TAS2R1: variants seen among roughly 807,000 people sequenced by gnomAD.
TAS2R1 encodes the protein taste 2 receptor member 1, also known as taste receptor type 2 member 1.
For missense variants in TAS2R1, 370 were observed against 353.4 expected, an observed-to-expected ratio of 1.05 and a Z score of -0.38; for synonymous variants, 141 against 134.2, an observed-to-expected ratio of 1.05 and a Z score of -0.35.
chr5:9,888,254 C>A, the TAS2R1 span, among the ~76,000 whole-genome samples: 1 of 152,116 alleles, frequency 6.6e-6, no homozygotes, highest in African/African-American at 2.4e-5. Context: ...ATGGCCGCTG[C>A]CTGACTCTGA....
the TAS2R1 span, among the ~76,000 whole-genome samples, chr5:9,830,214 C>T: frequency 0.013 from 1,049 of 79,284 alleles, 12 homozygotes; most frequent in African/African-American, 0.043. Flanking sequence ...GATGGATAGA[C>T]AGATAGACAG....
the TAS2R1 span, among the ~76,000 whole-genome samples, chr5:9,729,521 T>C: frequency 6.6e-6 from 1 of 152,166 alleles, no homozygotes; most frequent in African/African-American, 2.4e-5. Context: ...CTGCCCTCCC[T>C]GCCCAGAATT....
At chr5:9,729,062 G>T in the TAS2R1 span, among the ~76,000 whole-genome samples, 1 of 152,142 alleles carries the variant, frequency 6.6e-6, no homozygotes, top group South Asian at 2.1e-4. Flanking sequence ...TTCCACCTCT[G>T]TCTTGCCCTC....
At chr5:9,751,401 T>C in the TAS2R1 span, among the ~76,000 whole-genome samples, 2 of 151,838 alleles carry the variant, frequency 1.3e-5, no homozygotes, top group Non-Finnish European at 2.9e-5. Context: ...AAAGACCATA[T>C]AATATATTCT....
At chr5:9,809,288 A>G in the TAS2R1 span, among the ~76,000 whole-genome samples, 1 of 152,320 alleles carries the variant, frequency 6.6e-6, no homozygotes, top group East Asian at 1.9e-4. Context: ...GAAAGACAGG[A>G]ATTTCAGAGG....
chr5:9,708,239 T>C (rs1741661965), intron 1 of TAS2R1, among the ~76,000 whole-genome samples: 2 of 152,218 alleles, frequency 1.3e-5, no homozygotes, highest in Non-Finnish European at 2.9e-5. Flanking sequence ...GAGCGTATCC[T>C]AGCGATGGCA....
chr5:9,889,237 G>A, the TAS2R1 span, among the ~76,000 whole-genome samples: 3 of 152,138 alleles, frequency 2.0e-5, no homozygotes, highest in Non-Finnish European at 4.4e-5. Flanking sequence ...GCCCCCATCT[G>A]CACCATGCTG....
chr5:9,634,718 G>C (rs1739934638), upstream of TAS2R1, among the ~76,000 whole-genome samples: 1 of 151,978 alleles, frequency 6.6e-6, no homozygotes, highest in Non-Finnish European at 1.5e-5. Context: ...TTGTAAAAGG[G>C]ACTGAGTTCT....
chr5:9,682,469 C>G (rs1741011291), intron 1 of TAS2R1, among the ~76,000 whole-genome samples: 1 of 152,160 alleles, frequency 6.6e-6, no homozygotes, highest in African/African-American at 2.4e-5. Context: ...GCCTTTCACC[C>G]TGCTCAGCTT....
the TAS2R1 span, chr5:9,760,773 A>G: frequency 6.6e-6 from 1 of 152,230 alleles, no homozygotes; most frequent in African/African-American, 2.4e-5. Flanking sequence ...TCCTCTTAAG[A>G]TCAGGAAAAA....
intron 2 of TAS2R1, among the ~76,000 whole-genome samples, chr5:9,657,492 G>A (rs1403855512): frequency 1.3e-5 from 2 of 152,304 alleles, no homozygotes; most frequent in Admixed American, 1.3e-4. Flanking sequence ...GAGACAAGAT[G>A]ATGTTTAGGT....
the TAS2R1 span, among the ~76,000 whole-genome samples, chr5:9,836,009 T>C: frequency 0.066 from 10,006 of 152,220 alleles, 444 homozygotes; most frequent in Middle Eastern, 0.14. Flanking sequence ...TTCCCACCTG[T>C]TGTGGGAGGG....
At chr5:9,801,852 C>A in the TAS2R1 span, among the ~76,000 whole-genome samples, 1 of 152,140 alleles carries the variant, frequency 6.6e-6, no homozygotes, top group Non-Finnish European at 1.5e-5. Flanking sequence ...AACCACTCCC[C>A]CATCCCCCAC....
the TAS2R1 span, among the ~76,000 whole-genome samples, chr5:9,813,834 C>T: frequency 6.6e-6 from 1 of 152,188 alleles, no homozygotes; most frequent in Non-Finnish European, 1.5e-5. Context: ...TGCCTCCTAA[C>T]CCTCCAGATT....
At chr5:9,841,332 A>T in the TAS2R1 span, among the ~76,000 whole-genome samples, 2 of 152,084 alleles carry the variant, frequency 1.3e-5, no homozygotes, top group Admixed American at 1.3e-4. Context: ...TCTAGGAAAA[A>T]ATTATACATT....
At chr5:9,649,658 A>C (rs994184101) in intron 2 of TAS2R1, among the ~76,000 whole-genome samples, 3 of 152,204 alleles carry the variant, frequency 2.0e-5, no homozygotes, top group African/African-American at 4.8e-5. Flanking sequence ...ATGTTTTAGC[A>C]AATTGTTCTG....
chr5:9,892,018 T>G, the TAS2R1 span, among the ~76,000 whole-genome samples: 1 of 152,124 alleles, frequency 6.6e-6, no homozygotes, highest in African/African-American at 2.4e-5. Context: ...CTGCTCTTTT[T>G]CTTATATATT....
upstream of TAS2R1, among the ~76,000 whole-genome samples, chr5:9,632,095 T>C (rs1490005837): frequency 6.6e-6 from 1 of 152,192 alleles, no homozygotes; most frequent in Non-Finnish European, 1.5e-5. Context: ...AATACAAGCA[T>C]ACTTCCATAA....
intron 1 of TAS2R1, among the ~76,000 whole-genome samples, chr5:9,697,650 T>C (rs1347516640): frequency 6.6e-6 from 1 of 152,162 alleles, no homozygotes; most frequent in Non-Finnish European, 1.5e-5. Context: ...AGATCCAATA[T>C]GAAAAACTAA....
Sources: gnomAD v4.1 joint callset for allele counts (sites outside exome capture counted in the v4.1 genomes callset) on GRCh38, gnomAD v4.1.1 for gene constraint, MANE v1.5 for transcripts, NCBI Gene and HGNC (gene_info 2026-07-23, HGNC 2026-07-21) for gene names.